Variants in EPHA6 observed in about 807,000 individuals in gnomAD.
The protein encoded by EPHA6 is ephrin type-A receptor 6.
In EPHA6, 50 loss-of-function variants were observed where a neutral mutation model predicts 112.0. The observed-to-expected ratio is 0.45, with a 90% CI of 0.36 to 0.56. EPHA6 has a LOEUF of 0.56. Ranked by LOEUF, EPHA6 falls within the 20% of genes least tolerant of loss-of-function variation. The pLI is 0.00. For missense variants in EPHA6, 1,280 were observed against 1,417.4 expected (o/e 0.90, Z 1.56); for synonymous variants, 529 against 490.7 (o/e 1.08, Z -1.03).
chr3:97,042,574 A>G (rs2045355338), intron 3 of EPHA6, among the ~76,000 whole-genome samples: 1 of 152,106 alleles, frequency 6.6e-6, no homozygotes, highest in Admixed American at 6.6e-5. Context: ...TATTGCTAAT[A>G]TTTGTTACAC....
chr3:97,396,103 T>C (rs2086677863), intron 5 of EPHA6, among the ~76,000 whole-genome samples: 1 of 151,694 alleles, frequency 6.6e-6, no homozygotes, highest in Non-Finnish European at 1.5e-5. Context: ...CAAGGGATTT[T>C]CCGGATTGCT....
At chr3:97,645,352 CA>C (rs1387673910) in intron 14 of EPHA6, among the ~76,000 whole-genome samples, 26 of 145,166 alleles carry the variant, frequency 1.8e-4, no homozygotes, top group African/African-American at 6.2e-4. Context: ...ATGATGAGTT[CA>C]TGTCCTTTGT....
intron 2 of EPHA6, 94 bp downstream of exon 2, chr3:96,866,983 A>G (rs1054461296): frequency 6.4e-6 from 4 of 627,922 alleles, no homozygotes; most frequent in Non-Finnish European, 1.0e-5. Context: ...CCTACTTGTT[A>G]TGAATTTTGA....
chr3:97,530,662 A>G (rs967504579), intron 10 of EPHA6, among the ~76,000 whole-genome samples: 2 of 151,674 alleles, frequency 1.3e-5, no homozygotes, highest in African/African-American at 2.4e-5. Context: ...TAAAACGCCA[A>G]TATCATATGC....
At chr3:97,557,470 A>G (rs978154465) in intron 11 of EPHA6, among the ~76,000 whole-genome samples, 1 of 151,884 alleles carries the variant, frequency 6.6e-6, no homozygotes, top group Non-Finnish European at 1.5e-5. Flanking sequence ...TTAACCAGGG[A>G]CATTAATATT....
At chr3:97,428,928 C>A (rs76343507) in intron 6 of EPHA6, among the ~76,000 whole-genome samples, 2,257 of 152,246 alleles carry the variant, frequency 0.015, 49 homozygotes, top group African/African-American at 0.05. Context: ...CTTTAACTCT[C>A]TCTTCTCACA....
chr3:97,173,233 C>T (rs2108432585), intron 3 of EPHA6, among the ~76,000 whole-genome samples: 1 of 151,848 alleles, frequency 6.6e-6, no homozygotes, highest in Admixed American at 6.6e-5. Flanking sequence ...TGTCAAGTGG[C>T]ATGCTAGCAT....
intron 3 of EPHA6, among the ~76,000 whole-genome samples, chr3:97,211,707 A>T (rs373348370): frequency 6.6e-6 from 1 of 152,170 alleles, no homozygotes; most frequent in Non-Finnish European, 1.5e-5. Context: ...AGGCTTCAAC[A>T]TCAAAATTTG....
Position 97,363,801 on chromosome 3 carries a change from A to G in EPHA6, c.1607-41349A>G, listed in dbSNP as rs538596870. ...GGATAAACAAAGGTGGTATACACATACAATTGAAAAATATACATCCTTAAA... is the reference window on the plus strand; with the variant it reads ...GGATAAACAAAGGTGGTATACACATGCAATTGAAAAATATACATCCTTAAA... On this transcript the variant is annotated intron_variant, in intron 5 of 17. Coordinates refer to ENST00000389672, the MANE Select transcript of EPHA6 (RefSeq NM_001080448.3). Among the ~76,000 whole-genome samples the G allele has an allele frequency of 2.6e-5, 4 of 152,284 alleles. No individual in the cohort carries two copies. The South Asian group carries it at 8.3e-4, about 32-fold the overall frequency.
chr3:97,325,751 A>C (rs1476048073), intron 5 of EPHA6, among the ~76,000 whole-genome samples: 1 of 152,126 alleles, frequency 6.6e-6, no homozygotes, highest in Non-Finnish European at 1.5e-5. Flanking sequence ...CTTATAATCT[A>C]AAATAATTTG....
At chr3:97,369,070 C>T (rs988614196) in intron 5 of EPHA6, among the ~76,000 whole-genome samples, 2 of 152,108 alleles carry the variant, frequency 1.3e-5, no homozygotes, top group Non-Finnish European at 2.9e-5. Context: ...GTGCAATGTC[C>T]CTGAGCTGGG....
intron 5 of EPHA6, among the ~76,000 whole-genome samples, chr3:97,286,363 T>A (rs1328044086): frequency 6.6e-6 from 1 of 152,196 alleles, no homozygotes; most frequent in African/African-American, 2.4e-5. Flanking sequence ...TATTTGTATA[T>A]TTTCAAGTGT....
intron 6 of EPHA6, among the ~76,000 whole-genome samples, chr3:97,433,204 G>A (rs2089623627): frequency 6.6e-6 from 1 of 152,118 alleles, no homozygotes; most frequent in Non-Finnish European, 1.5e-5. Context: ...GCACAGGTAT[G>A]TAAGTTAATT....
At chr3:97,282,841 G>A (rs2080333584) in intron 5 of EPHA6, among the ~76,000 whole-genome samples, 1 of 152,130 alleles carries the variant, frequency 6.6e-6, no homozygotes, top group East Asian at 1.9e-4. Context: ...TATCAGCAGG[G>A]CAGGGGAAGG....
intron 11 of EPHA6, among the ~76,000 whole-genome samples, chr3:97,545,384 T>A (rs2092930007): frequency 6.6e-6 from 1 of 152,158 alleles, no homozygotes; most frequent in Non-Finnish European, 1.5e-5. Context: ...TTTGAGTGAG[T>A]TTCTTAATCC....
At chr3:97,448,755 A>G (rs1473633438) in intron 7 of EPHA6, 25 bp downstream of exon 7, 23 of 1,609,944 alleles carry the variant, frequency 1.4e-5, no homozygotes, top group Non-Finnish European at 1.8e-5. Flanking sequence ...AGGATATAAC[A>G]TAAGATGTGA....
intron 3 of EPHA6, among the ~76,000 whole-genome samples, chr3:97,151,864 A>G (rs2076179075): frequency 6.6e-6 from 1 of 151,974 alleles, no homozygotes; most frequent in Non-Finnish European, 1.5e-5. Context: ...ATTATTTTAA[A>G]TCAGTATTAA....
chr3:97,246,031 C>A (rs2078978276), intron 5 of EPHA6, among the ~76,000 whole-genome samples: 1 of 152,124 alleles, frequency 6.6e-6, no homozygotes, highest in African/African-American at 2.4e-5. Context: ...CTTCATTTAG[C>A]ATAGTTCCAC....
At chr3:97,030,603 CTTCT>C (rs1433245545) in intron 3 of EPHA6, among the ~76,000 whole-genome samples, 2 of 152,002 alleles carry the variant, frequency 1.3e-5, no homozygotes, top group African/African-American at 4.8e-5. Context: ...AGCTTGGCTA[CTTCT>C]TAGAACTTGG....
Sources: gnomAD v4.1 joint callset for allele counts (sites outside exome capture counted in the v4.1 genomes callset) on GRCh38, gnomAD v4.1.1 for gene constraint, MANE v1.5 for transcripts, NCBI Gene and HGNC (gene_info 2026-07-23, HGNC 2026-07-21) for gene names.